PTPRD: variants seen among roughly 807,000 people sequenced by gnomAD.
PTPRD encodes receptor-type tyrosine-protein phosphatase delta.
PTPRD carries 34 observed loss-of-function variants against 214.5 expected under a neutral mutation model. The observed-to-expected ratio is 0.16, with a 90% CI of 0.12 to 0.21. The LOEUF is 0.21. Ranked by LOEUF, PTPRD falls within the 10% of genes least tolerant of loss-of-function variation. The pLI is 1.00. For synonymous variants in PTPRD, 1,128 were observed against 845.7 expected (o/e 1.33, Z -5.79); for missense variants, 2,545 against 2,398.7 (o/e 1.06, Z -1.27).
chr9:8,923,319 G>A (rs1454272025), intron 11 of PTPRD, among the ~76,000 whole-genome samples: 1 of 152,052 alleles, frequency 6.6e-6, no homozygotes, highest in Non-Finnish European at 1.5e-5. Context: ...TGGGATTACA[G>A]GCATGAGCCA....
At chr9:9,612,775 G>T (rs1274640345) in intron 7 of PTPRD, among the ~76,000 whole-genome samples, 1 of 152,028 alleles carries the variant, frequency 6.6e-6, no homozygotes, top group Non-Finnish European at 1.5e-5. Flanking sequence ...GGACTATTTT[G>T]ATTCATGTTG....
intron 12 of PTPRD, among the ~76,000 whole-genome samples, chr9:8,683,119 C>T (rs1311650109): frequency 2.0e-5 from 3 of 152,104 alleles, no homozygotes; most frequent in Non-Finnish European, 4.4e-5. Context: ...GAGCAGCAGG[C>T]TTGGAAGAAA....
At chr9:8,366,202 T>C (rs999457019) in intron 39 of PTPRD, among the ~76,000 whole-genome samples, 2 of 152,224 alleles carry the variant, frequency 1.3e-5, no homozygotes, top group East Asian at 1.9e-4. Context: ...TAAATGAAAT[T>C]TGAGCAAGAG....
chr9:10,577,122 T>C (rs2069671448), intron 2 of PTPRD, among the ~76,000 whole-genome samples: 1 of 152,150 alleles, frequency 6.6e-6, no homozygotes, highest in Non-Finnish European at 1.5e-5. Context: ...CCACTATGCA[T>C]ACTGGGGTAC....
intron 3 of PTPRD, among the ~76,000 whole-genome samples, chr9:10,125,118 T>C (rs10958892): frequency 0.12 from 17,893 of 152,208 alleles, 1,154 homozygotes; most frequent in South Asian, 0.27. Context: ...AATATGCTGA[T>C]GATTTTCTGA....
intron 9 of PTPRD, among the ~76,000 whole-genome samples, chr9:9,243,231 A>G (rs1037490829): frequency 6.6e-6 from 1 of 152,124 alleles, no homozygotes; most frequent in Non-Finnish European, 1.5e-5. Context: ...AGCTGCTACC[A>G]TTCCTTCTGA....
chr9:10,401,049 T>C (rs2098261300), intron 2 of PTPRD, among the ~76,000 whole-genome samples: 1 of 151,656 alleles, frequency 6.6e-6, no homozygotes, highest in African/African-American at 2.4e-5. Context: ...TAGGCCTAGA[T>C]GTTTAACTAG....
intron 7 of PTPRD, among the ~76,000 whole-genome samples, chr9:9,602,078 T>C (rs2093813218): frequency 6.6e-6 from 1 of 152,094 alleles, no homozygotes; most frequent in Non-Finnish European, 1.5e-5. Context: ...TGGAATCATG[T>C]TCTAAAATTA....
intron 11 of PTPRD, among the ~76,000 whole-genome samples, chr9:8,872,434 T>C (rs2098317547): frequency 6.6e-6 from 1 of 152,226 alleles, no homozygotes; most frequent in Non-Finnish European, 1.5e-5. Flanking sequence ...AACAATGTTG[T>C]ATTATTACAA....
chr9:10,060,830 TCC>T lies in PTPRD; in HGVS notation c.-544-27042_-544-27041del, dbSNP rs1491510105. Among the ~76,000 whole-genome samples, 107 of 125,654 alleles carry T rather than the reference TCC, an allele frequency of 8.5e-4. 8 individuals carry two copies. The highest frequency in any genetic ancestry group is 4.4e-3 in the African/African-American group (91 of 20,778). 82.4% of individuals were successfully genotyped at this position (125,654 alleles called of 152,430 possible). A position where few individuals can be genotyped will look rare whatever the true frequency, so the allele number is the denominator to read the frequency against. On this transcript the variant is annotated intron_variant, in intron 3 of 45. Transcript: ENST00000381196. ...TTTCTTTCTTTCTTTCTTTCTTTCT[TCC>T]TTCCTTCCTTCCTTTCCTTTCTTTC...
chr9:8,967,793 T>A (rs557727746), intron 11 of PTPRD, among the ~76,000 whole-genome samples: 1 of 152,146 alleles, frequency 6.6e-6, no homozygotes, highest in Non-Finnish European at 1.5e-5. Context: ...AGGGTACAAG[T>A]GCACAACGTG....
At chr9:10,035,072 A>G (rs2097153480) in intron 3 of PTPRD, among the ~76,000 whole-genome samples, 1 of 152,188 alleles carries the variant, frequency 6.6e-6, no homozygotes, top group Non-Finnish European at 1.5e-5. Flanking sequence ...TACTACCAAC[A>G]GTGTATAAGC....
At chr9:10,189,156 C>G (rs1431608645) in intron 3 of PTPRD, among the ~76,000 whole-genome samples, 1 of 152,146 alleles carries the variant, frequency 6.6e-6, no homozygotes, top group African/African-American at 2.4e-5. Flanking sequence ...ATGCTTTGGA[C>G]TGGTCGCCCT....
At chr9:8,340,987 A>C in intron 41 of PTPRD, 103 bp downstream of exon 41, 1 of 1,225,256 alleles carries the variant, frequency 8.2e-7, no homozygotes, top group East Asian at 2.5e-5. Context: ...ACCTATGCAG[A>C]AAGAAAATGT....
chr9:9,402,082 GT>G (rs2070839708), intron 8 of PTPRD, among the ~76,000 whole-genome samples: 1 of 152,024 alleles, frequency 6.6e-6, no homozygotes, highest in South Asian at 2.1e-4. Flanking sequence ...ACAAACGAAA[GT>G]TGGTTCATTT....
chr9:10,150,872 A>C (rs909909363), intron 3 of PTPRD, among the ~76,000 whole-genome samples: 3 of 151,988 alleles, frequency 2.0e-5, no homozygotes, highest in Admixed American at 6.6e-5. Context: ...GTTCAATAAA[A>C]ATTTTATAGT....
intron 2 of PTPRD, among the ~76,000 whole-genome samples, chr9:10,609,685 A>T (rs1230191477): frequency 6.6e-6 from 1 of 152,152 alleles, no homozygotes; most frequent in Non-Finnish European, 1.5e-5. Context: ...GGCATTCCAT[A>T]AAGAATAAAG....
intron 3 of PTPRD, among the ~76,000 whole-genome samples, chr9:10,146,121 C>T (rs2099020700): frequency 6.7e-6 from 1 of 148,942 alleles, no homozygotes; most frequent in African/African-American, 2.5e-5. Context: ...TTCCTCTCAG[C>T]CCAAAGCTAA....
chr9:8,323,393 A>C (rs1830399469), intron 44 of PTPRD, among the ~76,000 whole-genome samples: 1 of 152,194 alleles, frequency 6.6e-6, no homozygotes, highest in Non-Finnish European at 1.5e-5. Flanking sequence ...CTATAGATAG[A>C]TAGTGATTTC....
Sources: gnomAD v4.1 joint callset for allele counts (sites outside exome capture counted in the v4.1 genomes callset) on GRCh38, gnomAD v4.1.1 for gene constraint, MANE v1.5 for transcripts, NCBI Gene and HGNC (gene_info 2026-07-23, HGNC 2026-07-21) for gene names.